The following RGMA variants were observed in gnomAD, a reference collection of about 807,000 sequenced individuals.
RGMA encodes the protein repulsive guidance molecule BMP co-receptor a.
RGMA carries 10 observed loss-of-function variants against 23.2 expected under a neutral mutation model. That is an observed-to-expected ratio of 0.43 (90% CI 0.27 to 0.73). The LOEUF (loss-of-function observed/expected upper bound fraction) is 0.73, where lower values mean the gene tolerates loss of function less well. Ranked by LOEUF, RGMA falls within the 30% of genes least tolerant of loss-of-function variation. The pLI is 0.20. For missense variants in RGMA, 547 were observed against 630.5 expected (o/e 0.87, Z 1.42); for synonymous variants, 308 against 279.3 (o/e 1.10, Z -1.03).
intron 1 of RGMA, among the ~76,000 whole-genome samples, chr15:93,081,539 G>C (rs1028481860): frequency 1.3e-5 from 2 of 152,212 alleles, no homozygotes; most frequent in African/African-American, 4.8e-5. Flanking sequence ...TCCCGTAAAA[G>C]AGAACAGACC....
chr15:93,070,750 C>T (rs1895295424), intron 2 of RGMA, among the ~76,000 whole-genome samples: 1 of 152,222 alleles, frequency 6.6e-6, no homozygotes, highest in African/African-American at 2.4e-5. Flanking sequence ...CATTAGCCAG[C>T]TGGCGTGACA....
At chr15:93,088,253 C>T (rs1895673177) in intron 1 of RGMA, 1 of 521,208 alleles carries the variant, frequency 1.9e-6, no homozygotes, top group Non-Finnish European at 2.5e-6. Flanking sequence ...CCATTGAATA[C>T]ACCTGTCCCC....
chr15:93,061,636 C>A (rs11855114), intron 2 of RGMA, among the ~76,000 whole-genome samples: 29,325 of 152,212 alleles, frequency 0.19, 3,158 homozygotes, highest in Middle Eastern at 0.33. Flanking sequence ...AGCCACACAG[C>A]ACGTCTGACT....
At chr15:93,049,123 G>A (rs1222934487) in intron 3 of RGMA, among the ~76,000 whole-genome samples, 4 of 152,212 alleles carry the variant, frequency 2.6e-5, no homozygotes, top group South Asian at 2.1e-4. Flanking sequence ...AGCCACGGGC[G>A]GGCTGCCGCT....
chr15:93,044,593 A>C lies in RGMA; in HGVS notation c.*405T>G. The C allele has an allele frequency of 9.9e-5, 25 of 251,320 alleles. No individual in the cohort carries two copies. The highest frequency in any genetic ancestry group is 1.4e-3 in the Middle Eastern group (1 of 724). 15.6% of individuals were successfully genotyped at this position (251,320 alleles called of 1,614,324 possible). On this transcript the variant is annotated 3_prime_UTR_variant, in exon 4 of 4. Coordinates refer to ENST00000329082, the MANE Select transcript of RGMA (RefSeq NM_020211.3). Reference sequence around the variant, plus strand: ...GAGTGTGTGCGTGCGTGTGGCGGGCACAGGGGGCCCCACGGATCGGCGAGC... The same window carrying C: ...GAGTGTGTGCGTGCGTGTGGCGGGCCCAGGGGGCCCCACGGATCGGCGAGC...
At chr15:93,072,295 T>C (rs1156292787) in intron 2 of RGMA, among the ~76,000 whole-genome samples, 1 of 152,230 alleles carries the variant, frequency 6.6e-6, no homozygotes, top group Admixed American at 6.5e-5. Flanking sequence ...ATGGGCTTTT[T>C]CAGCTTTAAT....
At chr15:93,086,524 G>A (rs1408578639) in intron 1 of RGMA, among the ~76,000 whole-genome samples, 1 of 152,102 alleles carries the variant, frequency 6.6e-6, no homozygotes, top group Non-Finnish European at 1.5e-5. Flanking sequence ...AAGGTTGTAG[G>A]GGGAAAAACG....
At position 93,073,159 on chromosome 15, in the gene RGMA, TCCCCTTCCCGCGCCGCCCCCCGCGCGCC is replaced by T. The variant is rs1895394535; in HGVS notation, c.15-156_15-129del. ...CCTCGGCCGCGGGCGCCCGGCGCGC[TCCCCTTCCCGCGCCGCCCCCCGCGCGCC>T]CCTCCCTCGCCATCCATCACTCGGT... On this transcript the variant is annotated intron_variant, in intron 1 of 3. Transcript: ENST00000329082. 8.3e-6 allele frequency: 10 copies of T among 1,197,920 alleles called. No individual in the cohort carries two copies. The South Asian group carries it at 3.2e-4, about 38-fold the overall frequency. 74.2% of individuals were successfully genotyped at this position (1,197,920 alleles called of 1,614,324 possible). A position where few individuals can be genotyped will look rare whatever the true frequency, so the allele number is the denominator to read the frequency against.
intron 2 of RGMA, among the ~76,000 whole-genome samples, chr15:93,069,631 G>A (rs1180016945): frequency 6.6e-6 from 1 of 152,244 alleles, no homozygotes; most frequent in Non-Finnish European, 1.5e-5. Context: ...TCAAACTTGA[G>A]CATGCATCAG....
chr15:93,069,940 T>G (rs754713649), intron 2 of RGMA, among the ~76,000 whole-genome samples: 1 of 152,252 alleles, frequency 6.6e-6, no homozygotes, highest in African/African-American at 2.4e-5. Flanking sequence ...CTATTAGCTG[T>G]GATTTGAGTA....
chr15:93,056,116 G>C (rs1402939807), intron 2 of RGMA, among the ~76,000 whole-genome samples: 2 of 152,222 alleles, frequency 1.3e-5, no homozygotes, highest in Non-Finnish European at 2.9e-5. Flanking sequence ...AAGTTCCCAG[G>C]AGAGGCCCAT....
At chr15:93,073,721 CGAG>C (rs1409659448) in intron 1 of RGMA, 1 of 1,537,204 alleles carries the variant, frequency 6.5e-7, no homozygotes, top group Non-Finnish European at 8.7e-7. Flanking sequence ...TAACGCACCT[CGAG>C]GTTCCCGCCC....
intron 1 of RGMA, chr15:93,073,693 T>G (rs376076400): frequency 6.5e-7 from 1 of 1,537,184 alleles, no homozygotes; most frequent in Non-Finnish European, 8.7e-7. Flanking sequence ...GCAGGATGGC[T>G]CTCTGCATCT....
chr15:93,053,271 G>T (rs569308994), intron 2 of RGMA, among the ~76,000 whole-genome samples: 100 of 152,328 alleles, frequency 6.6e-4, no homozygotes, highest in Non-Finnish European at 1.2e-3. Flanking sequence ...CAGAACTATG[G>T]CTTTAACACA....
chr15:93,039,909 C>T lies in RGMA; in HGVS notation c.*5089G>A, dbSNP rs983359582. On this transcript the variant is annotated 3_prime_UTR_variant, in exon 4 of 4. Coordinates refer to ENST00000329082, the MANE Select transcript of RGMA (RefSeq NM_020211.3). ...CCTCCATATAGTAACTAGAACAATTCCTTTAATACCCAAGCCAAGGCAGGC... is the reference window on the plus strand; with the variant it reads ...CCTCCATATAGTAACTAGAACAATTTCTTTAATACCCAAGCCAAGGCAGGC... 3 of 152,258 alleles carry T rather than the reference C, an allele frequency of 2.0e-5. No homozygotes were observed. Among genetic ancestry groups the T allele is most frequent in the Non-Finnish European group, 4.4e-5 (3 of 68,098 alleles). The allele number at this position is 152,258 out of a possible 1,614,324, so 9.4% of individuals were successfully genotyped here. A position where few individuals can be genotyped will look rare whatever the true frequency, so the allele number is the denominator to read the frequency against.
chr15:93,074,186 A>C, intron 1 of RGMA: 2 of 256,300 alleles, frequency 7.8e-6, no homozygotes, highest in Admixed American at 5.2e-5. Context: ...CACCCTCCTC[A>C]CCTCACTCCC....
intron 2 of RGMA, among the ~76,000 whole-genome samples, chr15:93,056,869 G>C (rs2141819024): frequency 6.6e-6 from 1 of 152,280 alleles, no homozygotes; most frequent in East Asian, 1.9e-4. Flanking sequence ...GGAGCCCCAG[G>C]GGCATCCAAC....
rs1440892472 is a variant in RGMA, at chr15:93,044,885, T to C, written c.*113A>G. 9.0e-6 allele frequency: 8 copies of C among 892,850 alleles called. No homozygotes were observed. In the Admixed American group the frequency reaches 2.0e-4, roughly 22 times the overall value. 55.3% of individuals were successfully genotyped at this position (892,850 alleles called of 1,614,324 possible). ...CCTTGGCAGCAGGCGGTCCCTGGCG[T>C]TCTGCGGGGCCATGGTGGACACGCC... is the stretch of plus-strand genomic sequence containing the variant. On this transcript the variant is annotated 3_prime_UTR_variant, in exon 4 of 4. Transcript: ENST00000329082.
intron 1 of RGMA, among the ~76,000 whole-genome samples, chr15:93,080,971 T>C (rs916952164): frequency 6.6e-6 from 1 of 152,218 alleles, no homozygotes; most frequent in East Asian, 1.9e-4. Context: ...GTCTCCAAGT[T>C]TGCAAATTCT....
Sources: allele counts gnomAD v4.1 joint callset (sites outside exome capture counted in the v4.1 genomes callset), GRCh38; gene constraint gnomAD v4.1.1; transcripts MANE v1.5; gene names NCBI Gene and HGNC (gene_info 2026-07-23, HGNC 2026-07-21).